The following MCPH1 variants were observed in gnomAD, a reference collection of about 807,000 sequenced individuals.
The protein encoded by MCPH1 is microcephalin.
Under a neutral mutation model 84.5 loss-of-function variants are expected in MCPH1, and 104 were observed. The ratio of observed to expected loss-of-function variants is 1.23; its 90% confidence interval spans 1.05 to 1.45. The LOEUF is 1.45. Among genes scored for constraint, MCPH1 ranks in the 40% most tolerant of loss-of-function variants. MCPH1 has a pLI of 0.00. For synonymous variants in MCPH1, 514 were observed against 366.8 expected (o/e 1.40, Z -4.58); for missense variants, 1,498 against 1,005.7 (o/e 1.49, Z -6.62).
At position 6,539,201 on chromosome 8, in the gene MCPH1, C is replaced by A. The variant is rs1372637784; in HGVS notation, c.2214+39272C>A. 2.6e-5 allele frequency among the ~76,000 whole-genome samples: 4 copies of A among 152,352 alleles called. No homozygotes were observed. In the East Asian group the frequency reaches 7.7e-4, roughly 29 times the overall value. ...CTCGCCAGAGCCTGGGGGGTAGGCA[C>A]AGTACCCACAGTGAGAGGTGATGTT... On this transcript the variant is annotated intron_variant, in intron 12 of 13. Transcript: ENST00000344683.
chr8:6,598,991 G>C (rs895352599), intron 12 of MCPH1, among the ~76,000 whole-genome samples: 1 of 152,222 alleles, frequency 6.6e-6, no homozygotes, highest in Non-Finnish European at 1.5e-5. Context: ...GATTCCTTAA[G>C]GCATGTATTT....
intron 11 of MCPH1, among the ~76,000 whole-genome samples, chr8:6,483,943 C>T (rs1563271246): frequency 6.6e-6 from 1 of 152,032 alleles, no homozygotes; most frequent in Non-Finnish European, 1.5e-5. Context: ...AAATTACCTC[C>T]AAATGGATCA....
At chr8:6,499,830 C>G (rs1436916640) in intron 11 of MCPH1, 22 bp from the exon 12 acceptor site, 2 of 1,609,090 alleles carry the variant, frequency 1.2e-6, no homozygotes, top group Non-Finnish European at 1.7e-6. Context: ...TATAATAAAT[C>G]TGCTTGTTGT....
chr8:6,474,204 A>G, intron 9 of MCPH1: 1 of 694,804 alleles, frequency 1.4e-6, no homozygotes, highest in Non-Finnish European at 2.7e-6. Flanking sequence ...AAAATGGGAC[A>G]ATTATACTCT....
At chr8:6,559,806 G>A (rs1457526171) in intron 12 of MCPH1, among the ~76,000 whole-genome samples, 1 of 152,206 alleles carries the variant, frequency 6.6e-6, no homozygotes, top group Admixed American at 6.5e-5. Context: ...CAAGAGAGAC[G>A]TAGCATGAGT....
Position 6,646,464 on chromosome 8 carries a change from C to G in MCPH1, c.*3415C>G, listed in dbSNP as rs759971768. 6.6e-6 allele frequency: 1 copy of G among 152,104 alleles called. No individual in the cohort carries two copies. The highest frequency in any genetic ancestry group is 1.5e-5 in the Non-Finnish European group (1 of 68,028). The allele number at this position is 152,104 out of a possible 1,614,324, so 9.4% of individuals were successfully genotyped here. A position where few individuals can be genotyped will look rare whatever the true frequency, so the allele number is the denominator to read the frequency against. The stretch of plus-strand genomic sequence containing the variant: ...CAGGTATAAATCTTCATATTTATGG[C>G]TGATTGACTTTGAACAAAGGTGACG... On this transcript the variant is annotated 3_prime_UTR_variant, in exon 14 of 14. Transcript: ENST00000344683.
At chr8:6,498,200 G>A (rs757611643) in intron 11 of MCPH1, among the ~76,000 whole-genome samples, 8 of 152,190 alleles carry the variant, frequency 5.3e-5, no homozygotes, top group East Asian at 1.9e-4. Context: ...CTGTTGCAGC[G>A]GATGCTGAAT....
chr8:6,565,753 G>A (rs1412002311), intron 12 of MCPH1, among the ~76,000 whole-genome samples: 1 of 152,216 alleles, frequency 6.6e-6, no homozygotes, highest in Non-Finnish European at 1.5e-5. Context: ...GTATGGAGAG[G>A]GAGAGACCCA....
intron 9 of MCPH1, among the ~76,000 whole-genome samples, chr8:6,469,571 GC>G (rs1384759651): frequency 6.6e-6 from 1 of 152,076 alleles, no homozygotes; most frequent in Non-Finnish European, 1.5e-5. Flanking sequence ...CTTATACTGG[GC>G]GTGAACAAGG....
chr8:6,480,315 G>A (rs1417091607), intron 10 of MCPH1, among the ~76,000 whole-genome samples: 2 of 152,048 alleles, frequency 1.3e-5, no homozygotes, highest in Admixed American at 6.5e-5. Flanking sequence ...TAGTAGAGAC[G>A]GGGTTTCACC....
chr8:6,433,262 A>G (rs982898774), intron 4 of MCPH1, among the ~76,000 whole-genome samples: 2 of 152,200 alleles, frequency 1.3e-5, no homozygotes, highest in African/African-American at 4.8e-5. Flanking sequence ...TCCAAGTCAG[A>G]TATCTAGAGA....
At chr8:6,532,211 C>T in intron 12 of MCPH1, 3 of 1,158,760 alleles carry the variant, frequency 2.6e-6, no homozygotes, top group Non-Finnish European at 3.7e-6. Context: ...CAATTCATTC[C>T]TTTTCTCCTG....
intron 3 of MCPH1, among the ~76,000 whole-genome samples, chr8:6,416,276 ATGT>A (rs1176591642): frequency 4.4e-3 from 2 of 452 alleles, no homozygotes; most frequent in Non-Finnish European, 0.024. Flanking sequence ...GCCGCATGTT[ATGT>A]CATGTCATGT....
intron 12 of MCPH1, among the ~76,000 whole-genome samples, chr8:6,581,445 T>G (rs1827557504): frequency 6.6e-6 from 1 of 152,266 alleles, no homozygotes; most frequent in Non-Finnish European, 1.5e-5. Context: ...GTGGTGAATA[T>G]GATCAAGAAC....
chr8:6,626,763 G>A (rs1459133706), intron 13 of MCPH1: 4 of 985,170 alleles, frequency 4.1e-6, no homozygotes, highest in East Asian at 1.1e-4. Flanking sequence ...GTGGAGCTCT[G>A]AGCCCTGGCG....
At chr8:6,521,641 T>C (rs1288206195) in intron 12 of MCPH1, among the ~76,000 whole-genome samples, 1 of 152,224 alleles carries the variant, frequency 6.6e-6, no homozygotes, top group African/African-American at 2.4e-5. Flanking sequence ...TGCAGACTTA[T>C]GCATACACAC....
intron 11 of MCPH1, among the ~76,000 whole-genome samples, chr8:6,498,783 G>A (rs1027952369): frequency 1.3e-5 from 2 of 152,048 alleles, no homozygotes; most frequent in African/African-American, 4.8e-5. Context: ...CATATTGTTA[G>A]TATATCTCCT....
At chr8:6,490,640 A>G (rs905297728) in intron 11 of MCPH1, among the ~76,000 whole-genome samples, 7 of 152,178 alleles carry the variant, frequency 4.6e-5, no homozygotes, top group African/African-American at 1.7e-4. Flanking sequence ...GATACTTTTG[A>G]TGTATGATCC....
intron 12 of MCPH1, chr8:6,513,584 C>T (rs547863533): frequency 1.1e-5 from 11 of 960,342 alleles, no homozygotes; most frequent in Admixed American, 5.7e-5. Flanking sequence ...CTGCCCACCT[C>T]GGCCTCCCAA....
Sources: gnomAD v4.1 joint callset for allele counts (sites outside exome capture counted in the v4.1 genomes callset) on GRCh38, gnomAD v4.1.1 for gene constraint, MANE v1.5 for transcripts, NCBI Gene and HGNC (gene_info 2026-07-23, HGNC 2026-07-21) for gene names.